RBMS3: variants seen among roughly 807,000 people sequenced by gnomAD.
RBMS3 encodes RNA-binding motif, single-stranded-interacting protein 3.
A neutral mutation model predicts 66.8 loss-of-function variants in RBMS3; 27 were observed. The observed-to-expected ratio is 0.40, with a 90% CI of 0.30 to 0.56. The LOEUF is 0.56. RBMS3 is among the 20% of genes least tolerant of loss of function. RBMS3 has a pLI of 0.40. For missense variants in RBMS3, 513 were observed against 549.5 expected, an observed-to-expected ratio of 0.93 and a Z score of 0.66; for synonymous variants, 188 against 183.0, an observed-to-expected ratio of 1.03 and a Z score of -0.22.
chr3:29,841,161 T>C (rs185951857), intron 6 of RBMS3, among the ~76,000 whole-genome samples: 3 of 152,080 alleles, frequency 2.0e-5, no homozygotes, highest in Admixed American at 1.3e-4. Context: ...GTGGTTCCAG[T>C]TTTTTTATTA....
At chr3:29,761,530 G>A (rs1307181809) in intron 5 of RBMS3, among the ~76,000 whole-genome samples, 1 of 152,038 alleles carries the variant, frequency 6.6e-6, no homozygotes, top group African/African-American at 2.4e-5. Flanking sequence ...TTCGCCAAAA[G>A]CCTCTCCTAG....
intron 3 of RBMS3, among the ~76,000 whole-genome samples, chr3:29,527,696 T>G (rs1258202643): frequency 6.6e-6 from 1 of 152,180 alleles, no homozygotes; most frequent in Non-Finnish European, 1.5e-5. Context: ...TGATTTATAA[T>G]TAGACTTTTC....
chr3:29,294,828 T>G (rs2033111265), intron 1 of RBMS3, among the ~76,000 whole-genome samples: 1 of 151,756 alleles, frequency 6.6e-6, no homozygotes, highest in Non-Finnish European at 1.5e-5. Flanking sequence ...CTTATAATAA[T>G]ATTGAACTGT....
Position 29,730,765 on chromosome 3 carries a change from C to G in RBMS3, c.400-8955C>G, listed in dbSNP as rs2054096481. 5.9e-6 allele frequency: 4 copies of G among 678,268 alleles called. No homozygotes were observed. The African/African-American group carries it at 7.8e-5, about 13-fold the overall frequency. The allele number at this position is 678,268 out of a possible 1,614,324, so 42.0% of individuals were successfully genotyped here. A position where few individuals can be genotyped will look rare whatever the true frequency, so the allele number is the denominator to read the frequency against. On this transcript the variant is annotated intron_variant, in intron 4 of 14. Transcript: ENST00000383767. ...GTTCTCTATAGTTTTGTTTCCTGTT[C>G]TCATTTTTGACCATCAGGACCACGA...
At chr3:29,336,460 A>G (rs2035953270) in intron 1 of RBMS3, among the ~76,000 whole-genome samples, 2 of 149,290 alleles carry the variant, frequency 1.3e-5, no homozygotes, top group African/African-American at 2.5e-5. Flanking sequence ...ATTTTAGATG[A>G]AAAAAAAAAC....
chr3:29,345,914 A>G (rs958413897), intron 1 of RBMS3, among the ~76,000 whole-genome samples: 2 of 152,210 alleles, frequency 1.3e-5, no homozygotes, highest in African/African-American at 4.8e-5. Context: ...ATTTTTTTAT[A>G]TAGAGAAGGG....
At chr3:29,501,682 C>A (rs973744398) in intron 3 of RBMS3, among the ~76,000 whole-genome samples, 1 of 152,220 alleles carries the variant, frequency 6.6e-6, no homozygotes, top group East Asian at 1.9e-4. Context: ...ACTCTTCAAC[C>A]TATCTCCCAT....
intron 6 of RBMS3, among the ~76,000 whole-genome samples, chr3:29,777,425 C>T (rs929304963): frequency 4.0e-5 from 6 of 151,868 alleles, no homozygotes; most frequent in East Asian, 1.9e-4. Context: ...AGTGTGATTT[C>T]CTAATATTGC....
chr3:29,708,604 TAGG>T (rs1409224845), intron 4 of RBMS3, among the ~76,000 whole-genome samples: 1 of 152,208 alleles, frequency 6.6e-6, no homozygotes, highest in South Asian at 2.1e-4. Context: ...CCCAAGATGC[TAGG>T]AGAAGTCACC....
At chr3:29,590,411 G>C (rs934543512) in intron 4 of RBMS3, among the ~76,000 whole-genome samples, 1 of 152,000 alleles carries the variant, frequency 6.6e-6, no homozygotes, top group Non-Finnish European at 1.5e-5. Flanking sequence ...ATTCAAATTT[G>C]CTACTAAACC....
intron 4 of RBMS3, among the ~76,000 whole-genome samples, chr3:29,671,299 G>A (rs1369804004): frequency 1.3e-5 from 2 of 152,166 alleles, no homozygotes; most frequent in Non-Finnish European, 2.9e-5. Flanking sequence ...AAGACCAAAG[G>A]TAGCTAAAAC....
chr3:29,906,182 T>C (rs1205624642), intron 10 of RBMS3, among the ~76,000 whole-genome samples: 3 of 152,084 alleles, frequency 2.0e-5, no homozygotes, highest in African/African-American at 7.2e-5. Flanking sequence ...CCTGGCATCT[T>C]AGTATTTTTG....
intron 1 of RBMS3, among the ~76,000 whole-genome samples, chr3:29,345,052 C>T (rs2036496509): frequency 6.6e-6 from 1 of 152,132 alleles, no homozygotes; most frequent in African/African-American, 2.4e-5. Flanking sequence ...GTGATGGCAG[C>T]GATATTTGTC....
intron 4 of RBMS3, among the ~76,000 whole-genome samples, chr3:29,693,458 C>T (rs9829606): frequency 0.017 from 2,554 of 152,152 alleles, 63 homozygotes; most frequent in African/African-American, 0.054. Flanking sequence ...ATCTTATAAA[C>T]AGGGGGATGG....
intron 1 of RBMS3, among the ~76,000 whole-genome samples, chr3:29,367,694 A>G (rs574737832): frequency 6.6e-6 from 1 of 152,148 alleles, no homozygotes; most frequent in Non-Finnish European, 1.5e-5. Flanking sequence ...ATTTTTTCCT[A>G]TAAAGAACAT....
At chr3:29,454,467 A>G (rs1553605213) in intron 2 of RBMS3, among the ~76,000 whole-genome samples, 1 of 152,194 alleles carries the variant, frequency 6.6e-6, no homozygotes, top group Non-Finnish European at 1.5e-5. Flanking sequence ...AAGTTGAAGT[A>G]TACTACAATG....
At chr3:29,444,342 A>G (rs972843005) in intron 2 of RBMS3, among the ~76,000 whole-genome samples, 1 of 152,110 alleles carries the variant, frequency 6.6e-6, no homozygotes, top group African/African-American at 2.4e-5. Flanking sequence ...CACAGCTGGT[A>G]ATTAGCAAAT....
At chr3:29,526,141 G>A (rs887314881) in intron 3 of RBMS3, 2 of 152,154 alleles carry the variant, frequency 1.3e-5, no homozygotes, top group Non-Finnish European at 2.9e-5. Context: ...TGTTGAAAAT[G>A]CTCAATCTTA....
In RBMS3 at chr3:29,387,081, G is replaced by A. The variant is rs552652428; in HGVS notation, c.76-47662G>A. 2.3e-4 allele frequency among the ~76,000 whole-genome samples: 35 copies of A among 152,174 alleles called. No individual in the cohort carries two copies. In the South Asian group the frequency reaches 5.8e-3, roughly 25 times the overall value. The stretch of plus-strand genomic sequence containing the variant: ...TATTTCAATTCTAGGGGATTCTGGC[G>A]CTTAGTCCTTGGATCTCTGGATATC... On this transcript the variant is annotated intron_variant, in intron 1 of 14. Coordinates refer to ENST00000383767, the MANE Select transcript of RBMS3 (RefSeq NM_001003793.3).
Sources: allele counts gnomAD v4.1 joint callset (sites outside exome capture counted in the v4.1 genomes callset), GRCh38; gene constraint gnomAD v4.1.1; transcripts MANE v1.5; gene names NCBI Gene and HGNC (gene_info 2026-07-23, HGNC 2026-07-21).